Variants in RCAN2 observed in about 807,000 individuals in gnomAD.
RCAN2 encodes the protein calcipressin-2.
In RCAN2, 9 loss-of-function variants were observed where a neutral mutation model predicts 23.6. The observed-to-expected ratio is 0.38, with a 90% CI of 0.23 to 0.67. The LOEUF (loss-of-function observed/expected upper bound fraction) is 0.67. RCAN2 is among the 30% of genes least tolerant of loss of function. The pLI, the probability that RCAN2 is intolerant of heterozygous loss-of-function variation, is 0.51. For synonymous variants in RCAN2, 109 were observed against 115.7 expected, an observed-to-expected ratio of 0.94 and a Z score of 0.37; for missense variants, 273 against 302.3, an observed-to-expected ratio of 0.90 and a Z score of 0.72.
At chr6:46,457,081 G>A (rs914721454) in intron 1 of RCAN2, 103 bp from the exon 2 acceptor site, 10 of 714,770 alleles carry the variant, frequency 1.4e-5, no homozygotes, top group South Asian at 9.2e-5. Context: ...AGTGGAGTAC[G>A]ATTAGGAGCA....
intron 2 of RCAN2, among the ~76,000 whole-genome samples, chr6:46,249,574 C>A (rs1766640548): frequency 6.6e-6 from 1 of 152,038 alleles, no homozygotes; most frequent in Non-Finnish European, 1.5e-5. Context: ...CCTGTCTCAG[C>A]CTCCCAAAGT....
chr6:46,299,268 C>T (rs1229615265), intron 2 of RCAN2, among the ~76,000 whole-genome samples: 1 of 151,970 alleles, frequency 6.6e-6, no homozygotes, highest in Non-Finnish European at 1.5e-5. Flanking sequence ...AAGTAGAAAC[C>T]TAGACATGAT....
At chr6:46,382,636 A>G (rs962263057) in intron 2 of RCAN2, among the ~76,000 whole-genome samples, 1 of 152,214 alleles carries the variant, frequency 6.6e-6, no homozygotes, top group African/African-American at 2.4e-5. Flanking sequence ...AAAGCGCTCC[A>G]ATGCATAATT....
intron 4 of RCAN2, among the ~76,000 whole-genome samples, chr6:46,226,812 C>T (rs1765684588): frequency 6.6e-6 from 1 of 152,180 alleles, no homozygotes; most frequent in Non-Finnish European, 1.5e-5. Context: ...GCCAGAACTT[C>T]CAACACTATG....
chr6:46,230,245 A>C (rs1035738546), intron 4 of RCAN2, among the ~76,000 whole-genome samples: 47 of 152,298 alleles, frequency 3.1e-4, no homozygotes, highest in African/African-American at 1.1e-3. Flanking sequence ...TTGAGGAGGC[A>C]GTCTCCATAC....
intron 2 of RCAN2, among the ~76,000 whole-genome samples, chr6:46,345,304 G>T (rs1352599668): frequency 6.6e-5 from 10 of 151,798 alleles, no homozygotes; most frequent in Non-Finnish European, 1.5e-4. Context: ...AATCACTGTT[G>T]GATATTTTAA....
At chr6:46,271,743 G>A (rs186695983) in intron 2 of RCAN2, among the ~76,000 whole-genome samples, 2 of 152,246 alleles carry the variant, frequency 1.3e-5, no homozygotes, top group Admixed American at 6.5e-5. Flanking sequence ...TCCCTTACTC[G>A]TGGTAGTGGT....
intron 2 of RCAN2, among the ~76,000 whole-genome samples, chr6:46,413,616 G>C (rs1044857159): frequency 4.6e-5 from 7 of 152,330 alleles, no homozygotes; most frequent in Admixed American, 2.6e-4. Context: ...AGAAATATAA[G>C]ATTTACTATG....
rs140789901 is a variant in RCAN2 at position 46,441,143 on chromosome 6, T to C, written c.225+15609A>G. 1.9e-3 allele frequency among the ~76,000 whole-genome samples: 289 copies of C among 152,278 alleles called. 1 individual carries two copies. The highest frequency in any genetic ancestry group is 6.6e-3 in the African/African-American group (275 of 41,572). ...ATGAAGAAGAATGAGGAAGAGAACATGCTTACTAAGAAGGTCTAGTATTAT... is the reference window on the plus strand; with the variant it reads ...ATGAAGAAGAATGAGGAAGAGAACACGCTTACTAAGAAGGTCTAGTATTAT... On this transcript the variant is annotated intron_variant, in intron 2 of 4. Coordinates refer to ENST00000371374, the MANE Select transcript of RCAN2 (RefSeq NM_001251974.2).
chr6:46,246,678 T>A, intron 4 of RCAN2, 70 bp downstream of exon 4: 1 of 1,324,676 alleles, frequency 7.5e-7, no homozygotes, highest in South Asian at 1.2e-5. Context: ...GATCTCAAGG[T>A]TGTTAATCTC....
intron 2 of RCAN2, among the ~76,000 whole-genome samples, chr6:46,256,361 TTC>T (rs1766915345): frequency 7.2e-6 from 1 of 138,508 alleles, no homozygotes; most frequent in Admixed American, 7.2e-5. Flanking sequence ...CAGAGCGAGA[TTC>T]TGTCTCAAAA....
intron 2 of RCAN2, among the ~76,000 whole-genome samples, chr6:46,337,637 T>A (rs1026810761): frequency 6.6e-6 from 1 of 152,218 alleles, no homozygotes; most frequent in African/African-American, 2.4e-5. Flanking sequence ...TCACCTTTCA[T>A]CGTAACTTTA....
At chr6:46,345,971 A>G (rs745524286) in intron 2 of RCAN2, among the ~76,000 whole-genome samples, 35 of 152,272 alleles carry the variant, frequency 2.3e-4, no homozygotes, top group Non-Finnish European at 4.1e-4. Context: ...TGGTAAATAT[A>G]AATATAAACA....
At chr6:46,270,214 A>G (rs1224696317) in intron 2 of RCAN2, among the ~76,000 whole-genome samples, 4 of 152,226 alleles carry the variant, frequency 2.6e-5, no homozygotes. Flanking sequence ...TAAGCCCACC[A>G]GAGTGGCTTT....
intron 2 of RCAN2, among the ~76,000 whole-genome samples, chr6:46,342,790 A>G (rs1174840333): frequency 3.9e-5 from 6 of 151,942 alleles, no homozygotes; most frequent in Non-Finnish European, 7.4e-5. Context: ...ACTCACAGAA[A>G]ACTTTTATGG....
intron 1 of RCAN2, among the ~76,000 whole-genome samples, chr6:46,462,378 T>C (rs923753366): frequency 2.0e-5 from 3 of 152,226 alleles, no homozygotes; most frequent in African/African-American, 4.8e-5. Flanking sequence ...TTTGACTCAT[T>C]TTAATGAAGA....
At chr6:46,237,052 AT>A (rs1351196800) in intron 4 of RCAN2, among the ~76,000 whole-genome samples, 2 of 152,206 alleles carry the variant, frequency 1.3e-5, no homozygotes, top group African/African-American at 4.8e-5. Flanking sequence ...GAATGTGTTC[AT>A]AGCCCCTCTC....
chr6:46,248,475 C>T (rs933331592), intron 3 of RCAN2, among the ~76,000 whole-genome samples: 1 of 148,318 alleles, frequency 6.7e-6, no homozygotes, highest in Non-Finnish European at 1.5e-5. Flanking sequence ...TGATCATCCC[C>T]ACTTTACAGA....
At chr6:46,375,137 G>T (rs995247096) in intron 2 of RCAN2, among the ~76,000 whole-genome samples, 7 of 152,142 alleles carry the variant, frequency 4.6e-5, no homozygotes, top group Non-Finnish European at 7.4e-5. Context: ...TAGAGACGGG[G>T]TTTCACCATG....
Sources: gnomAD v4.1 joint callset for allele counts (sites outside exome capture counted in the v4.1 genomes callset) on GRCh38, gnomAD v4.1.1 for gene constraint, MANE v1.5 for transcripts, NCBI Gene and HGNC (gene_info 2026-07-23, HGNC 2026-07-21) for gene names.